SLC6A11: variants seen among roughly 807,000 people sequenced by gnomAD.
SLC6A11 encodes the protein sodium- and chloride-dependent GABA transporter 3.
SLC6A11 carries 25 observed loss-of-function variants against 74.8 expected under a neutral mutation model. The observed-to-expected ratio is 0.33, with a 90% CI of 0.24 to 0.47. The LOEUF (loss-of-function observed/expected upper bound fraction) is 0.47. Ranked by LOEUF, SLC6A11 falls within the 20% of genes least tolerant of loss-of-function variation. SLC6A11 has a pLI of 1.00. For missense variants in SLC6A11, 574 were observed against 837.0 expected (o/e 0.69, Z 3.88); for synonymous variants, 330 against 330.2 (o/e 1.00, Z 0.01).
rs111787333 is a variant in SLC6A11, at chr3:10,918,573, G to A, written c.1120+120G>A. On this transcript the variant is annotated intron_variant, in intron 8 of 13. Coordinates refer to ENST00000254488, the MANE Select transcript of SLC6A11 (RefSeq NM_014229.3). The surrounding 1 kb of genome is among the most constrained non-coding windows in gnomAD (Gnocchi z 4.5). ...TCTCCTGGATTCAGGCCTCAGAAAG[G>A]GGCCCCACCATTCATCCACAATCCA... 4 of 1,178,448 alleles carry A rather than the reference G, an allele frequency of 3.4e-6. No homozygotes were observed. The South Asian group carries it at 6.7e-5, about 20-fold the overall frequency. 73.0% of individuals were successfully genotyped at this position (1,178,448 alleles called of 1,614,324 possible).
chr3:10,883,244 T>A (rs1257098229), intron 6 of SLC6A11, among the ~76,000 whole-genome samples: 1 of 152,232 alleles, frequency 6.6e-6, no homozygotes, highest in Non-Finnish European at 1.5e-5. Flanking sequence ...AGCCCCGTGT[T>A]CTCTCTGAAG....
At chr3:10,925,374 CACCTGGCT>C (rs1264381042) in intron 8 of SLC6A11, among the ~76,000 whole-genome samples, 1 of 152,200 alleles carries the variant, frequency 6.6e-6, no homozygotes, top group Non-Finnish European at 1.5e-5. Flanking sequence ...GAGCCCAGGC[CACCTGGCT>C]ACAGAGCCTG....
intron 10 of SLC6A11, among the ~76,000 whole-genome samples, chr3:10,932,419 A>G (rs978294433): frequency 6.6e-6 from 1 of 152,130 alleles, no homozygotes; most frequent in Non-Finnish European, 1.5e-5. Flanking sequence ...ACTTACGTTT[A>G]TCACCACCTA....
intron 6 of SLC6A11, among the ~76,000 whole-genome samples, chr3:10,897,302 C>T (rs1043303817): frequency 6.6e-6 from 1 of 152,192 alleles, no homozygotes; most frequent in Non-Finnish European, 1.5e-5. Flanking sequence ...TCCCAACAGT[C>T]CCCCAAAGTC....
At chr3:10,818,321 A>T (rs965111720) in intron 1 of SLC6A11, among the ~76,000 whole-genome samples, 1 of 152,162 alleles carries the variant, frequency 6.6e-6, no homozygotes, top group Non-Finnish European at 1.5e-5. Context: ...AGCTGATTTT[A>T]ATCACTTAGA....
intron 6 of SLC6A11, among the ~76,000 whole-genome samples, chr3:10,910,185 T>C (rs1158281790): frequency 2.0e-5 from 3 of 152,214 alleles, no homozygotes; most frequent in Non-Finnish European, 4.4e-5. Flanking sequence ...AATACACTTA[T>C]TTCTCAGGTT....
At chr3:10,823,616 C>A in intron 4 of SLC6A11, 1 of 507,912 alleles carries the variant, frequency 2.0e-6, no homozygotes, top group Non-Finnish European at 3.6e-6. Flanking sequence ...GATAACATGT[C>A]AGCATGCATA....
intron 9 of SLC6A11, among the ~76,000 whole-genome samples, chr3:10,927,177 C>A (rs145379031): frequency 6.6e-6 from 1 of 152,190 alleles, no homozygotes; most frequent in Non-Finnish European, 1.5e-5. Context: ...GCCAAATCAC[C>A]GGGTGTTTCT....
chr3:10,854,289 T>C (rs545159611), intron 5 of SLC6A11, among the ~76,000 whole-genome samples: 1 of 152,234 alleles, frequency 6.6e-6, no homozygotes, highest in East Asian at 1.9e-4. Flanking sequence ...CTTGGGAGGC[T>C]GAGGCAGGAG....
chr3:10,830,078 A>G (rs1178514178), intron 4 of SLC6A11, among the ~76,000 whole-genome samples: 1 of 152,030 alleles, frequency 6.6e-6, no homozygotes, highest in Non-Finnish European at 1.5e-5. Context: ...AAACAAAAAG[A>G]GTTTTTGAAT....
rs111545666 is a variant in SLC6A11 at position 10,927,488 on chromosome 3, T to C, written c.1233+1372T>C. On this transcript the variant is annotated intron_variant, in intron 9 of 13. Transcript: ENST00000254488. Reference sequence around the variant, plus strand: ...GGGGCTCCTTTCATTGTCTGCATTTTATAGAAGAAGAAACTGAGGTTCAGA... The same window carrying C: ...GGGGCTCCTTTCATTGTCTGCATTTCATAGAAGAAGAAACTGAGGTTCAGA... 1.1e-3 allele frequency among the ~76,000 whole-genome samples: 175 copies of C among 152,316 alleles called. 1 individual carries two copies. The highest frequency in any genetic ancestry group is 4.1e-3 in the African/African-American group (171 of 41,562).
In SLC6A11 at chr3:10,934,110, C is replaced by T. The variant is rs1477729322; in HGVS notation, c.1519C>T (p.Arg507Trp). ...YDNIEDMIGY[R>W]PPSLIKWCWM... Reference sequence around the variant, plus strand: ...TAACATTGAAGACATGATTGGCTACCGGCCACCGTCGCTCATTAAGTGGTG... The same window carrying T: ...TAACATTGAAGACATGATTGGCTACTGGCCACCGTCGCTCATTAAGTGGTG... The change falls in exon 12 of 14, where the codon CGG (arginine) becomes TGG (tryptophan). Residue 507 changes from arginine (R) to tryptophan (W), a missense_variant. Around this residue, in one of 4 missense-constraint regions of SLC6A11, gnomAD observed 257 missense variants for 341.5 expected, o/e 0.75. Transcript: ENST00000254488. The T allele has an allele frequency of 5.0e-6, 8 of 1,613,810 alleles. No individual in the cohort carries two copies. Among genetic ancestry groups the T allele is most frequent in the East Asian group, 2.2e-5 (1 of 44,886 alleles).
intron 10 of SLC6A11, among the ~76,000 whole-genome samples, chr3:10,930,073 A>G (rs115075725): frequency 0.031 from 4,749 of 152,336 alleles, 112 homozygotes; most frequent in Non-Finnish European, 0.041. Context: ...GAAACATGGA[A>G]AGAAATGAGG....
chr3:10,880,652 G>A (rs1279146112), intron 6 of SLC6A11, among the ~76,000 whole-genome samples: 1 of 152,192 alleles, frequency 6.6e-6, no homozygotes, highest in Non-Finnish European at 1.5e-5. Context: ...GGTCCCCAGG[G>A]CTGCTCCATC....
chr3:10,933,321 C>A, intron 11 of SLC6A11, 68 bp downstream of exon 11: 2 of 988,954 alleles, frequency 2.0e-6, no homozygotes, highest in Non-Finnish European at 3.3e-6. Context: ...GGTGCTTGGA[C>A]TCTGGTTGGC....
At chr3:10,896,953 C>G (rs1462612071) in intron 6 of SLC6A11, among the ~76,000 whole-genome samples, 3 of 152,186 alleles carry the variant, frequency 2.0e-5, no homozygotes, top group Non-Finnish European at 4.4e-5. Flanking sequence ...GTTTATTGGT[C>G]TTACAGTTCC....
rs370147953 is a variant in SLC6A11 at position 10,842,730 on chromosome 3, T to C, written c.624-1484T>C. 3.3e-5 allele frequency among the ~76,000 whole-genome samples: 5 copies of C among 152,162 alleles called. No individual in the cohort carries two copies. The East Asian group carries it at 5.8e-4, about 18-fold the overall frequency. On this transcript the variant is annotated intron_variant, in intron 4 of 13. Transcript: ENST00000254488. Reference sequence around the variant, plus strand: ...TGGTGCCTAGTAGGTGCTCAGTAAATGTGTATTGTATTTAAGTGGATGTTC... The same window carrying C: ...TGGTGCCTAGTAGGTGCTCAGTAAACGTGTATTGTATTTAAGTGGATGTTC...
At position 10,816,532 on chromosome 3, in the gene SLC6A11, A is replaced by C. The variant is rs1258278397; in HGVS notation, c.256+11A>C. 6.4e-7 allele frequency: 1 copy of C among 1,572,906 alleles called. No homozygotes were observed. Among genetic ancestry groups the C allele is most frequent in the African/African-American group, 1.4e-5 (1 of 72,068 alleles). On this transcript the variant is annotated intron_variant, in intron 1 of 13. Coordinates refer to ENST00000254488, the MANE Select transcript of SLC6A11 (RefSeq NM_014229.3). The surrounding 1 kb of genome is among the most constrained non-coding windows in gnomAD (Gnocchi z 4.2). ...ACAAGAACGGAGGAGGTGAGGTGATAGTGAGGAGAAGGGGAGGGGGCGCCA... is the reference window on the plus strand; with the variant it reads ...ACAAGAACGGAGGAGGTGAGGTGATCGTGAGGAGAAGGGGAGGGGGCGCCA...
intron 4 of SLC6A11, among the ~76,000 whole-genome samples, chr3:10,835,160 C>T (rs987517481): frequency 6.6e-6 from 1 of 152,204 alleles, no homozygotes; most frequent in African/African-American, 2.4e-5. Context: ...GGTGGGCCAG[C>T]TTTGCCTGAG....
Sources: gnomAD v4.1 joint callset for allele counts (sites outside exome capture counted in the v4.1 genomes callset) on GRCh38, gnomAD v4.1.1 for gene constraint, gnomAD v4.1.1 regional missense constraint, Gnocchi (gnomAD v3.1) non-coding constraint, MANE v1.5 for transcripts, NCBI Gene and HGNC (gene_info 2026-07-23, HGNC 2026-07-21) for gene names.